The following PCDHGB2 variants were observed in gnomAD, a reference collection of about 807,000 sequenced individuals.
The protein encoded by PCDHGB2 is protocadherin gamma subfamily B, 2.
PCDHGB2 carries 55 observed loss-of-function variants against 59.3 expected under a neutral mutation model. That is an observed-to-expected ratio of 0.93 (90% CI 0.75 to 1.16). The LOEUF (loss-of-function observed/expected upper bound fraction) is 1.16, where lower values mean the gene tolerates loss of function less well. Ranked by LOEUF, PCDHGB2 falls within the 50% of genes most tolerant of loss-of-function variation. The pLI, the probability that PCDHGB2 is intolerant of heterozygous loss-of-function variation, is 0.00. For missense variants in PCDHGB2, 1,228 were observed against 1,198.5 expected (o/e 1.02, Z -0.36); for synonymous variants, 516 against 512.0 (o/e 1.01, Z -0.11).
chr5:141,374,511 T>C (rs1235970803), intron 1 of PCDHGB2: 45 of 1,611,794 alleles, frequency 2.8e-5, no homozygotes, highest in Non-Finnish European at 3.7e-5. Context: ...GTGAAAATTC[T>C]CGAAAACGCA....
intron 1 of PCDHGB2, chr5:141,423,369 A>C: frequency 1.9e-6 from 3 of 1,614,104 alleles, no homozygotes; most frequent in Non-Finnish European, 2.5e-6. Flanking sequence ...TGCTGCTGGC[A>C]CTCAGGCTGT....
intron 1 of PCDHGB2, chr5:141,394,839 G>A (rs1190397731): frequency 6.2e-7 from 1 of 1,613,834 alleles, no homozygotes; most frequent in Non-Finnish European, 8.5e-7. Context: ...GACCGAGTTG[G>A]GCAGTCTGAA....
At chr5:141,401,532 A>G (rs1461153273) in intron 1 of PCDHGB2, among the ~76,000 whole-genome samples, 2 of 152,260 alleles carry the variant, frequency 1.3e-5, no homozygotes, top group Non-Finnish European at 2.9e-5. Context: ...GAAGAAACTT[A>G]CAAAAAAAAG....
At chr5:141,412,980 A>G (rs2095595071) in intron 1 of PCDHGB2, 2 of 543,674 alleles carry the variant, frequency 3.7e-6, no homozygotes, top group Non-Finnish European at 6.3e-6. Flanking sequence ...AAACGCAGCC[A>G]GAGCTCAATC....
chr5:141,450,110 G>C (rs2098669636), intron 1 of PCDHGB2, among the ~76,000 whole-genome samples: 1 of 147,716 alleles, frequency 6.8e-6, no homozygotes. Context: ...AGGTTCAAAT[G>C]ATTCTCCTGC....
At position 141,375,721 on chromosome 5, in the gene PCDHGB2, G is replaced by C. The variant is rs1194190814; in HGVS notation, c.2421+13165G>C. The stretch of plus-strand genomic sequence containing the variant: ...GGGACCCGCCTCTTAGCAGCAACGT[G>C]TCACTGAGCCTGTTTGTGCTGGACC... On this transcript the variant is annotated intron_variant, in intron 1 of 3. Transcript: ENST00000522605. The C allele has an allele frequency of 2.5e-6, 4 of 1,614,148 alleles. No homozygotes were observed. In the African/African-American group the frequency reaches 4.0e-5, roughly 16 times the overall value.
At chr5:141,409,436 C>G (rs368696166) in intron 1 of PCDHGB2, 2 of 1,613,982 alleles carry the variant, frequency 1.2e-6, no homozygotes, top group Non-Finnish European at 1.7e-6. Flanking sequence ...AGCCCTGGAC[C>G]GAGAGCAGAC....
chr5:141,385,984 T>C (rs75507773), intron 1 of PCDHGB2: 11 of 152,336 alleles, frequency 7.2e-5, no homozygotes, highest in African/African-American at 1.7e-4. Context: ...CAATAAAATA[T>C]GTCAAATAAA....
chr5:141,422,338 A>C, intron 1 of PCDHGB2: 1 of 1,550,090 alleles, frequency 6.5e-7, no homozygotes, highest in Non-Finnish European at 8.7e-7. Flanking sequence ...TGCTCTTCTA[A>C]ATGTGCAAGA....
At position 141,511,399 on chromosome 5, in the gene PCDHGB2, A is replaced by C; in HGVS notation, c.*226A>C. 1.0e-6 allele frequency: 1 copy of C among 987,714 alleles called. No homozygotes were observed. The highest frequency in any genetic ancestry group is 1.4e-6 in the Non-Finnish European group (1 of 693,342). The allele number at this position is 987,714 out of a possible 1,614,324, so 61.2% of individuals were successfully genotyped here. ...CAGTTCCGCTGGGAACCCCCATCCA[A>C]TCAACTGCTGTACCCATGGGGGTAG... On this transcript the variant is annotated 3_prime_UTR_variant, in exon 4 of 4. Transcript: ENST00000522605.
chr5:141,436,121 C>T (rs2097796819), intron 1 of PCDHGB2, among the ~76,000 whole-genome samples: 1 of 152,154 alleles, frequency 6.6e-6, no homozygotes, highest in Admixed American at 6.5e-5. Context: ...AAACCTCTCT[C>T]CTCCATCATC....
chr5:141,432,960 G>C lies in PCDHGB2; in HGVS notation c.2422-61847G>C. ...CAGGCTTCAGGAGGCGGCTTGACAG[G>C]AGCGCCGGCGTCGCACTTTGTGGGC... On this transcript the variant is annotated intron_variant, in intron 1 of 3. Transcript: ENST00000522605. This position sits in a 1 kb window ranked among gnomAD's most constrained non-coding sequence, Gnocchi z 6.0. The C allele has an allele frequency of 2.5e-6, 4 of 1,614,188 alleles. No homozygotes were observed. The highest frequency in any genetic ancestry group is 3.4e-6 in the Non-Finnish European group (4 of 1,180,034).
chr5:141,369,295 G>A (rs556803561), intron 1 of PCDHGB2, among the ~76,000 whole-genome samples: 2 of 152,200 alleles, frequency 1.3e-5, no homozygotes, highest in Admixed American at 6.5e-5. Context: ...TCCTAATAAC[G>A]CATCATTGTT....
At chr5:141,376,517 T>C (rs547172009) in intron 1 of PCDHGB2, 1 of 1,613,950 alleles carries the variant, frequency 6.2e-7, no homozygotes, top group East Asian at 2.2e-5. Flanking sequence ...GGTGAGTTTC[T>C]TTCCGCCTAA....
At chr5:141,458,081 G>A (rs765008628) in intron 1 of PCDHGB2, among the ~76,000 whole-genome samples, 62 of 152,186 alleles carry the variant, frequency 4.1e-4, no homozygotes, top group East Asian at 1.9e-4. Flanking sequence ...CTATATTGCC[G>A]TAAGTTAAGA....
intron 2 of PCDHGB2, among the ~76,000 whole-genome samples, chr5:141,503,977 CCTT>C (rs1012021012): frequency 1.3e-5 from 2 of 152,250 alleles, no homozygotes; most frequent in Admixed American, 1.3e-4. Flanking sequence ...GGTGCCAAAC[CCTT>C]CTTCTTACCT....
intron 1 of PCDHGB2, chr5:141,479,339 G>GTA (rs1298553162): frequency 1.3e-5 from 2 of 152,644 alleles, no homozygotes; most frequent in East Asian, 3.8e-4. Context: ...GTGTGCACCT[G>GTA]TAGTTCTTGC....
chr5:141,366,655 C>T (rs761615702), intron 1 of PCDHGB2: 7 of 1,614,102 alleles, frequency 4.3e-6, no homozygotes, highest in African/African-American at 2.7e-5. Context: ...AGCCCAACTA[C>T]GCAGACACGC....
intron 1 of PCDHGB2, chr5:141,400,680 G>A (rs1452030965): frequency 1.4e-5 from 12 of 883,960 alleles, no homozygotes; most frequent in Admixed American, 5.5e-5. Context: ...GCAGTAAATT[G>A]TGAGTTTTTA....
Sources: allele counts gnomAD v4.1 joint callset (sites outside exome capture counted in the v4.1 genomes callset), GRCh38; gene constraint gnomAD v4.1.1; non-coding constraint Gnocchi (gnomAD v3.1); transcripts MANE v1.5; gene names NCBI Gene and HGNC (gene_info 2026-07-23, HGNC 2026-07-21).